The following PRSS38 variants were observed in gnomAD, a reference collection of about 807,000 sequenced individuals.
PRSS38 encodes the protein marapsin 2.
PRSS38 carries 22 observed loss-of-function variants against 26.8 expected under a neutral mutation model. That is an observed-to-expected ratio of 0.82 (90% confidence interval 0.59 to 1.17). PRSS38 has a LOEUF of 1.17. PRSS38 is among the 50% of genes most tolerant of loss of function. PRSS38 has a pLI of 0.00. For missense variants in PRSS38, 427 were observed against 422.7 expected (o/e 1.01, Z -0.09); for synonymous variants, 175 against 172.1 (o/e 1.02, Z -0.13).
At chr1:227,827,326 C>T (rs559844297) in intron 3 of PRSS38, among the ~76,000 whole-genome samples, 50 of 152,072 alleles carry the variant, frequency 3.3e-4, no homozygotes, top group African/African-American at 1.1e-3. Flanking sequence ...TTTTTTTGGT[C>T]GGTAGGCTAT....
intron 3 of PRSS38, among the ~76,000 whole-genome samples, chr1:227,820,029 C>T (rs1215229647): frequency 7.5e-6 from 1 of 132,836 alleles, no homozygotes; most frequent in Non-Finnish European, 1.5e-5. Flanking sequence ...GTGGAGGTTG[C>T]AGTGAGCTGA....
chr1:227,816,667 G>T lies in PRSS38; in HGVS notation c.311+415G>T, dbSNP rs754449888. ...AGGCTGGTCCTCAAGGGCACAGCCA[G>T]ATTCCCACAAGTGAGGCTGGTCCTC... is the stretch of plus-strand genomic sequence containing the variant. On this transcript the variant is annotated intron_variant, in intron 2 of 4. Transcript: ENST00000366757. The surrounding 1 kb of genome is among the most constrained non-coding windows in gnomAD (Gnocchi z 5.1). 6.6e-6 allele frequency among the ~76,000 whole-genome samples: 1 copy of T among 151,954 alleles called. No individual in the cohort carries two copies. Among genetic ancestry groups the T allele is most frequent in the Non-Finnish European group, 1.5e-5 (1 of 67,976 alleles).
At chr1:227,836,292 G>A (rs1353396207) in intron 3 of PRSS38, among the ~76,000 whole-genome samples, 1 of 151,888 alleles carries the variant, frequency 6.6e-6, no homozygotes, top group African/African-American at 2.4e-5. Context: ...TAGAGATGGG[G>A]GTCTCATTTT....
At chr1:227,817,895 A>T (rs1453242609) in intron 3 of PRSS38, among the ~76,000 whole-genome samples, 1 of 152,212 alleles carries the variant, frequency 6.6e-6, no homozygotes, top group African/African-American at 2.4e-5. Flanking sequence ...AGAGATTTTT[A>T]AAATTGCATT....
At chr1:227,822,251 C>A (rs1665013731) in intron 3 of PRSS38, among the ~76,000 whole-genome samples, 1 of 151,860 alleles carries the variant, frequency 6.6e-6, no homozygotes, top group Non-Finnish European at 1.5e-5. Context: ...TTCTTTAATT[C>A]TTTGTCTATG....
chr1:227,844,952 C>T (rs1299979688), intron 3 of PRSS38, among the ~76,000 whole-genome samples: 3 of 138,984 alleles, frequency 2.2e-5, no homozygotes, highest in African/African-American at 8.0e-5. Flanking sequence ...GGTGGGACTC[C>T]TCCCTATGTG....
chr1:227,826,166 G>A (rs1312457853), intron 3 of PRSS38, among the ~76,000 whole-genome samples: 4 of 152,054 alleles, frequency 2.6e-5, no homozygotes, highest in African/African-American at 9.7e-5. Context: ...ATTCATTCAT[G>A]ATTTGGCTCT....
chr1:227,843,085 T>G (rs1418604972), intron 3 of PRSS38, among the ~76,000 whole-genome samples: 1 of 152,118 alleles, frequency 6.6e-6, no homozygotes, highest in Non-Finnish European at 1.5e-5. Context: ...AGACGGACAC[T>G]AGGAATAGCC....
chr1:227,843,195 G>A (rs185313034), intron 3 of PRSS38, among the ~76,000 whole-genome samples: 6 of 152,302 alleles, frequency 3.9e-5, no homozygotes, highest in African/African-American at 1.2e-4. Context: ...GCATAAATGA[G>A]CTGCAGGCCG....
At chr1:227,829,578 G>A in intron 3 of PRSS38, among the ~76,000 whole-genome samples, 1 of 151,976 alleles carries the variant, frequency 6.6e-6, no homozygotes, top group East Asian at 1.9e-4. Context: ...ACAGTATATT[G>A]TATATAGTTT....
chr1:227,821,571 T>G (rs1427565027), intron 3 of PRSS38, among the ~76,000 whole-genome samples: 1 of 152,190 alleles, frequency 6.6e-6, no homozygotes, highest in African/African-American at 2.4e-5. Context: ...AACGACTTAA[T>G]TTCTCCCTCA....
rs1347387075 is a variant in PRSS38 at position 227,836,697 on chromosome 1, A to AT, written c.584-8773_584-8772insT. ...GCGAGACTCCGTCTCAAAAAAAAAA[A>AT]AAAATAAAATAAAAGCTTCCATAAC... On this transcript the variant is annotated intron_variant, in intron 3 of 4. Transcript: ENST00000366757. 3.3e-5 allele frequency among the ~76,000 whole-genome samples: 5 copies of AT among 149,570 alleles called. 2 individuals are homozygous for AT. The highest frequency in any genetic ancestry group is 5.9e-5 in the Non-Finnish European group (4 of 67,414).
intron 3 of PRSS38, among the ~76,000 whole-genome samples, chr1:227,845,000 T>G (rs900169114): frequency 1.4e-5 from 2 of 140,966 alleles, no homozygotes; most frequent in African/African-American, 5.4e-5. Context: ...GGCTCCTCCC[T>G]ATGTGTGGTG....
chr1:227,838,594 G>A (rs940196260), intron 3 of PRSS38, among the ~76,000 whole-genome samples: 2 of 152,108 alleles, frequency 1.3e-5, no homozygotes, highest in East Asian at 3.9e-4. Context: ...TTCTGCATTC[G>A]TCTCCTTGGC....
chr1:227,832,770 C>A (rs1665174651), intron 3 of PRSS38, among the ~76,000 whole-genome samples: 1 of 152,106 alleles, frequency 6.6e-6, no homozygotes, highest in African/African-American at 2.4e-5. Flanking sequence ...CCCAATGAAT[C>A]CTAAAAACAA....
chr1:227,833,297 G>A (rs1356966521), intron 3 of PRSS38, among the ~76,000 whole-genome samples: 2 of 152,348 alleles, frequency 1.3e-5, no homozygotes, highest in East Asian at 1.9e-4. Context: ...GGAGGCCGAG[G>A]TGGGCAGATC....
intron 3 of PRSS38, among the ~76,000 whole-genome samples, chr1:227,831,043 C>G (rs142179338): frequency 6.6e-6 from 1 of 151,984 alleles, no homozygotes; most frequent in East Asian, 1.9e-4. Context: ...GATTTCCACT[C>G]TCATTTTTCT....
chr1:227,816,831 TG>T lies in PRSS38; in HGVS notation c.312-377del, dbSNP rs796412248. 8.5e-5 allele frequency among the ~76,000 whole-genome samples: 13 copies of T among 152,318 alleles called. No individual in the cohort carries two copies. The highest frequency in any genetic ancestry group is 3.1e-4 in the African/African-American group (13 of 41,572). On this transcript the variant is annotated intron_variant, in intron 2 of 4. Transcript: ENST00000366757. This position sits in a 1 kb window ranked among gnomAD's most constrained non-coding sequence, Gnocchi z 5.1. ...TCTCTAAGCACCTGGCCTTCCCGATTGCTCCTCCAACAGCCCCATTCACCAC... is the reference window on the plus strand; with the variant it reads ...TCTCTAAGCACCTGGCCTTCCCGATTCTCCTCCAACAGCCCCATTCACCAC...
intron 3 of PRSS38, 142 bp from the exon 4 acceptor site, chr1:227,845,328 C>A: frequency 1.6e-6 from 1 of 620,176 alleles, no homozygotes; most frequent in Admixed American, 2.8e-5. Flanking sequence ...GGGACTCATC[C>A]CTATGTGTCA....
Sources: gnomAD v4.1 joint callset for allele counts (sites outside exome capture counted in the v4.1 genomes callset) on GRCh38, gnomAD v4.1.1 for gene constraint, Gnocchi (gnomAD v3.1) non-coding constraint, MANE v1.5 for transcripts, NCBI Gene and HGNC (gene_info 2026-07-23, HGNC 2026-07-21) for gene names.